The following PRICKLE2 variants were observed in gnomAD, a reference collection of about 807,000 sequenced individuals.
PRICKLE2 encodes prickle planar cell polarity protein 2, also known as prickle-like protein 2.
Under a neutral mutation model 81.4 loss-of-function variants are expected in PRICKLE2, and 21 were observed. That is an observed-to-expected ratio of 0.26 (90% CI 0.18 to 0.37). The LOEUF (loss-of-function observed/expected upper bound fraction) is 0.37. Among genes scored for constraint, PRICKLE2 ranks in the 10% least tolerant of loss-of-function variants. The pLI is 1.00. For missense variants in PRICKLE2, 940 were observed against 1,109.0 expected (o/e 0.85, Z 2.16); for synonymous variants, 456 against 421.5 (o/e 1.08, Z -1.00).
rs539565645 is a variant in PRICKLE2, at chr3:64,131,665, C to G, written c.1660+15165G>C. ...GACATAACCAAGAGAGAAATCAGCC[C>G]TGAAAGGAAAAATAAGCTATAGCAA... is the stretch of plus-strand genomic sequence containing the variant. On this transcript the variant is annotated intron_variant, in intron 7 of 7. Coordinates refer to ENST00000638394, the MANE Select transcript of PRICKLE2 (RefSeq NM_198859.4). 3.9e-5 allele frequency among the ~76,000 whole-genome samples: 6 copies of G among 152,234 alleles called. No individual in the cohort carries two copies. In the East Asian group the frequency reaches 7.7e-4, roughly 20 times the overall value.
At chr3:64,136,335 A>C in intron 7 of PRICKLE2, among the ~76,000 whole-genome samples, 1 of 151,698 alleles carries the variant, frequency 6.6e-6, no homozygotes, top group Middle Eastern at 3.4e-3. Flanking sequence ...GTGGTCCTCA[A>C]ACTTAGTGAA....
intron 1 of PRICKLE2, 35 bp from the exon 2 acceptor site, chr3:64,199,002 A>G: frequency 6.2e-7 from 1 of 1,605,266 alleles, no homozygotes; most frequent in Non-Finnish European, 8.5e-7. Context: ...GAGAAAGAGG[A>G]AAAAACCTTT....
chr3:64,225,898 T>C (rs973515221), upstream of PRICKLE2, among the ~76,000 whole-genome samples: 11 of 151,758 alleles, frequency 7.2e-5, no homozygotes, highest in Admixed American at 2.6e-4. Context: ...TTTTTTTTTC[T>C]TTCTCTTCTC....
intron 2 of PRICKLE2, chr3:64,194,138 T>A (rs1044170076): frequency 6.6e-6 from 1 of 152,236 alleles, no homozygotes; most frequent in Non-Finnish European, 1.5e-5. Flanking sequence ...AACAAAAAGC[T>A]GACCCTCCAC....
At chr3:64,244,400 C>G (rs926604083) in intron 2 of PRICKLE2, among the ~76,000 whole-genome samples, 22 of 152,136 alleles carry the variant, frequency 1.4e-4, no homozygotes, top group Admixed American at 1.1e-3. Context: ...TATGTAGTAA[C>G]TGATGCAATA....
chr3:64,132,191 T>C (rs1220570026), intron 7 of PRICKLE2, among the ~76,000 whole-genome samples: 1 of 152,190 alleles, frequency 6.6e-6, no homozygotes, highest in Non-Finnish European at 1.5e-5. Flanking sequence ...CCCTCAATAT[T>C]CGCTCTTCTT....
intron 2 of PRICKLE2, among the ~76,000 whole-genome samples, chr3:64,259,467 AG>A (rs929271994): frequency 2.2e-4 from 34 of 152,306 alleles, no homozygotes; most frequent in Admixed American, 1.4e-3. Context: ...TAGCTAAGTG[AG>A]AACTTGATCC....
At chr3:64,114,783 C>A (rs1223556572) in intron 7 of PRICKLE2, among the ~76,000 whole-genome samples, 2 of 152,052 alleles carry the variant, frequency 1.3e-5, no homozygotes, top group East Asian at 3.9e-4. Flanking sequence ...AGAATGGAAC[C>A]AACTTAGTAA....
rs950444321 is a variant in PRICKLE2, at chr3:64,224,904, A to T, written c.-41+6T>A. The T allele has an allele frequency of 8.7e-5, 86 of 984,448 alleles. No homozygotes were observed. The highest frequency in any genetic ancestry group is 1.0e-4 in the Non-Finnish European group (83 of 829,574). 61.0% of individuals were successfully genotyped at this position (984,448 alleles called of 1,614,324 possible). A position where few individuals can be genotyped will look rare whatever the true frequency, so the allele number is the denominator to read the frequency against. ...ATTTGTGAATTAGAGCAAATTTCTTACCCACCTCCAGGGAGGATGAAATGC... is the reference window on the plus strand; with the variant it reads ...ATTTGTGAATTAGAGCAAATTTCTTTCCCACCTCCAGGGAGGATGAAATGC... On this transcript the variant is annotated splice_donor_region_variant and intron_variant, in intron 1 of 7. Transcript: ENST00000638394.
chr3:64,170,904 A>C (rs1433703195), intron 2 of PRICKLE2, among the ~76,000 whole-genome samples: 1 of 151,844 alleles, frequency 6.6e-6, no homozygotes, highest in African/African-American at 2.4e-5. Flanking sequence ...ATACAAAACA[A>C]AAAAACTCAA....
chr3:64,258,627 TG>T (rs2079562243), intron 2 of PRICKLE2, among the ~76,000 whole-genome samples: 2 of 151,332 alleles, frequency 1.3e-5, no homozygotes, highest in African/African-American at 2.4e-5. Context: ...GAGACCATAC[TG>T]GCTAACACAG....
intron 7 of PRICKLE2, chr3:64,101,244 G>C (rs1490928993): frequency 6.6e-6 from 1 of 152,170 alleles, no homozygotes; most frequent in Non-Finnish European, 1.5e-5. Context: ...CCAAGAAATG[G>C]ACAAGGGTAC....
intron 2 of PRICKLE2, among the ~76,000 whole-genome samples, chr3:64,240,210 G>T (rs972764599): frequency 2.6e-5 from 4 of 152,062 alleles, no homozygotes; most frequent in African/African-American, 9.7e-5. Flanking sequence ...GGGACACCTG[G>T]GTTTGGCCAG....
intron 2 of PRICKLE2, among the ~76,000 whole-genome samples, chr3:64,189,073 C>T (rs1559565674): frequency 6.6e-6 from 1 of 152,194 alleles, no homozygotes; most frequent in African/African-American, 2.4e-5. Flanking sequence ...AAAGTACTTG[C>T]CATATAGTTG....
At chr3:64,180,400 G>C (rs190235158) in intron 2 of PRICKLE2, among the ~76,000 whole-genome samples, 1 of 152,082 alleles carries the variant, frequency 6.6e-6, no homozygotes, top group Non-Finnish European at 1.5e-5. Flanking sequence ...CTGCTACCAC[G>C]ATCCTTCTCC....
intron 2 of PRICKLE2, among the ~76,000 whole-genome samples, chr3:64,167,394 G>A (rs992360949): frequency 2.0e-5 from 3 of 152,134 alleles, no homozygotes; most frequent in African/African-American, 7.2e-5. Context: ...TTCCACCCCA[G>A]GTGAAATCAT....
chr3:64,265,605 T>C (rs1046665705), intron 2 of PRICKLE2, among the ~76,000 whole-genome samples: 3 of 152,180 alleles, frequency 2.0e-5, no homozygotes, highest in Admixed American at 1.3e-4. Context: ...GCAGCACGCA[T>C]GTCCCTCAGT....
At chr3:64,228,239 A>T (rs1341675118), upstream of PRICKLE2, among the ~76,000 whole-genome samples, 3 of 152,218 alleles carry the variant, frequency 2.0e-5, no homozygotes, top group Non-Finnish European at 4.4e-5. Context: ...CCTGCCTTAA[A>T]AGAGCTTGGC....
chr3:64,254,992 G>T (rs1275662455), intron 2 of PRICKLE2, among the ~76,000 whole-genome samples: 1 of 152,088 alleles, frequency 6.6e-6, no homozygotes, highest in Admixed American at 6.5e-5. Flanking sequence ...CAAGCATTTA[G>T]ATATTCTCCC....
Sources: gnomAD v4.1 joint callset for allele counts (sites outside exome capture counted in the v4.1 genomes callset) on GRCh38, gnomAD v4.1.1 for gene constraint, MANE v1.5 for transcripts, NCBI Gene and HGNC (gene_info 2026-07-23, HGNC 2026-07-21) for gene names.